The following GANC variants were observed in gnomAD, a reference collection of about 807,000 sequenced individuals.
GANC encodes the protein neutral alpha-glucosidase C.
GANC carries 117 observed loss-of-function variants against 124.2 expected under a neutral mutation model. The ratio of observed to expected loss-of-function variants is 0.94; its 90% CI spans 0.81 to 1.10. GANC has a LOEUF of 1.10. Among genes scored for constraint, GANC ranks in the 50% least tolerant of loss-of-function variants. GANC has a pLI of 0.00. For synonymous variants in GANC, 377 were observed against 376.8 expected, an observed-to-expected ratio of 1.00 and a Z score of -0.01; for missense variants, 1,140 against 1,095.0, an observed-to-expected ratio of 1.04 and a Z score of -0.58.
chr15:42,280,992 C>G lies in GANC; in HGVS notation c.201+2402C>G, dbSNP rs762770204. The G allele has an allele frequency of 1.0e-5, 7 of 702,418 alleles. No individual in the cohort carries two copies. In the East Asian group the frequency reaches 1.9e-4, roughly 19 times the overall value. The allele number at this position is 702,418 out of a possible 1,614,324, so 43.5% of individuals were successfully genotyped here. ...AGAAACCACAGTCCAGGAGGAGACA[C>G]AGGATCTCAGCACAAGACAGCACCT... is the stretch of plus-strand genomic sequence containing the variant. On this transcript the variant is annotated intron_variant, in intron 3 of 23. Transcript: ENST00000318010.
At position 42,348,192 on chromosome 15, in the gene GANC, A is replaced by C. The variant is rs373924376; in HGVS notation, c.2394A>C (p.Gly798=). ...GCTGGATGACTGAATCCTCCTATGG[A>C]CTCCGGGTTGCTCTAAGCACTAAGG... The part of the protein sequence containing the change: ...STGWMTESSY[G]LRVALSTKGS... Residue 798 remains glycine, a synonymous_variant, in exon 21 of 24, where the codon GGA becomes GGC. Transcript: ENST00000318010. The C allele has an allele frequency of 6.2e-7, 1 of 1,611,450 alleles. No homozygotes were observed. Among genetic ancestry groups the C allele is most frequent in the Non-Finnish European group, 8.5e-7 (1 of 1,178,886 alleles).
intron 19 of GANC, among the ~76,000 whole-genome samples, chr15:42,343,695 C>G (rs1446269037): frequency 6.6e-6 from 1 of 152,132 alleles, no homozygotes; most frequent in African/African-American, 2.4e-5. Flanking sequence ...CTGCTGGAGC[C>G]CAGGGCACTG....
At position 42,287,819 on chromosome 15, in the gene GANC, G is replaced by A. The variant is rs1244517825; in HGVS notation, c.329+1G>A. 6.2e-7 allele frequency: 1 copy of A among 1,608,776 alleles called. No homozygotes were observed. Among genetic ancestry groups the A allele is most frequent in the African/African-American group, 1.3e-5 (1 of 74,506 alleles). ...TCACAAGCAAGCCAAGCACTGTAAG[G>A]TAAGCCAAGGAGCGAGGTATTTTAG... is the stretch of plus-strand genomic sequence containing the variant. On this transcript the variant is annotated splice_donor_variant, in intron 4 of 23. Coordinates refer to ENST00000318010, the MANE Select transcript of GANC (RefSeq NM_198141.3). LOFTEE classifies it high-confidence loss of function.
chr15:42,348,086 G>A lies in GANC; in HGVS notation c.2305-17G>A, dbSNP rs751255914. 31 of 1,411,498 alleles carry A rather than the reference G, an allele frequency of 2.2e-5. No homozygotes were observed. Among genetic ancestry groups the A allele is most frequent in the African/African-American group, 7.2e-5 (5 of 69,610 alleles). 87.4% of individuals were successfully genotyped at this position (1,411,498 alleles called of 1,614,324 possible). ...TTATATGAATACTGCTTCCCTGAGC[G>A]TGCTGCTCTGTTACAGATTCCAGTG... On this transcript the variant is annotated splice_polypyrimidine_tract_variant and intron_variant, in intron 20 of 23. Transcript: ENST00000318010.
chr15:42,340,362 G>A (rs535943961), intron 17 of GANC, among the ~76,000 whole-genome samples: 19 of 152,224 alleles, frequency 1.2e-4, no homozygotes, highest in East Asian at 9.7e-4. Flanking sequence ...GCTCACACCT[G>A]TAATCCCAGC....
Position 42,343,157 on chromosome 15 carries a change from A to G in GANC, c.2229+3A>G. 6.2e-7 allele frequency: 1 copy of G among 1,612,894 alleles called. No individual in the cohort carries two copies. Among genetic ancestry groups the G allele is most frequent in the Non-Finnish European group, 8.5e-7 (1 of 1,178,900 alleles). Reference sequence around the variant, plus strand: ...TGTTTCTTCCAGGATCAAATGAGGTAAGAGTAATAACAGCCACATATCTGA... The same window carrying G: ...TGTTTCTTCCAGGATCAAATGAGGTGAGAGTAATAACAGCCACATATCTGA... On this transcript the variant is annotated splice_donor_region_variant and intron_variant, in intron 19 of 23. Coordinates refer to ENST00000318010, the MANE Select transcript of GANC (RefSeq NM_198141.3).
chr15:42,330,711 C>A, intron 15 of GANC, 39 bp downstream of exon 15: 1 of 1,401,846 alleles, frequency 7.1e-7, no homozygotes, highest in Non-Finnish European at 9.9e-7. Context: ...AACACATTAG[C>A]AACTTTTTTT....
chr15:42,339,378 A>G (rs2052311233), intron 16 of GANC, among the ~76,000 whole-genome samples: 1 of 150,094 alleles, frequency 6.7e-6, no homozygotes, highest in Non-Finnish European at 1.5e-5. Flanking sequence ...TCAGGCAGAC[A>G]TTTTTCAGTG....
At chr15:42,274,672 A>C (rs1459901097) in intron 1 of GANC, among the ~76,000 whole-genome samples, 162 bp downstream of exon 1, 2 of 152,304 alleles carry the variant, frequency 1.3e-5, no homozygotes, top group African/African-American at 4.8e-5. Flanking sequence ...CTCATAAAAT[A>C]CTTTCAGGAT....
chr15:42,327,329 T>G, intron 12 of GANC, 34 bp from the exon 13 acceptor site: 1 of 1,530,246 alleles, frequency 6.5e-7, no homozygotes, highest in Non-Finnish European at 9.0e-7. Context: ...GGACCACTGT[T>G]CTTGACAGGC....
intron 14 of GANC, 127 bp downstream of exon 14, chr15:42,329,576 G>A: frequency 2.1e-6 from 2 of 955,180 alleles, no homozygotes; most frequent in Non-Finnish European, 3.0e-6. Flanking sequence ...TCTGACAACT[G>A]CAATGAGTCT....
chr15:42,327,758 CTG>C (rs1248421249), intron 13 of GANC, among the ~76,000 whole-genome samples: 2 of 152,138 alleles, frequency 1.3e-5, no homozygotes, highest in African/African-American at 2.4e-5. Flanking sequence ...TGTTCCATAA[CTG>C]TTATTTAAAT....
chr15:42,310,202 G>C (rs1244397873), intron 8 of GANC, 81 bp from the exon 9 acceptor site: 3 of 1,080,496 alleles, frequency 2.8e-6, no homozygotes, highest in Non-Finnish European at 3.8e-6. Context: ...TAAGTGTTTA[G>C]AGAGAAGAGT....
rs768891535 is a variant in GANC at position 42,343,133 on chromosome 15, G to C, written c.2208G>C (p.Val736=). The change falls in exon 19 of 24, where the codon GTG becomes GTC. Residue 736 remains valine (V), a synonymous_variant. Coordinates refer to ENST00000318010, the MANE Select transcript of GANC (RefSeq NM_198141.3). ...VTEPKATTVD[V]FLPGSNEVWY... is the part of the protein sequence containing the mutation. ...AACCAAAAGCCACCACAGTTGATGT[G>C]TTTCTTCCAGGATCAAATGAGGTAA... 8.1e-6 allele frequency: 13 copies of C among 1,614,042 alleles called. No individual in the cohort carries two copies. Among genetic ancestry groups the C allele is most frequent in the Non-Finnish European group, 1.1e-5 (13 of 1,179,942 alleles).
At chr15:42,306,166 A>G (rs983818645) in intron 6 of GANC, among the ~76,000 whole-genome samples, 9 of 152,096 alleles carry the variant, frequency 5.9e-5, no homozygotes, top group Admixed American at 5.9e-4. Context: ...AGCTGGGACT[A>G]CAGGTGCCAG....
rs150055767 is a variant in GANC, at chr15:42,352,033, G to C, written c.2639G>C (p.Gly880Ala). The C allele has an allele frequency of 6.2e-7, 1 of 1,613,974 alleles. No individual in the cohort carries two copies. Among genetic ancestry groups the C allele is most frequent in the East Asian group, 2.2e-5 (1 of 44,872 alleles). Reference sequence around the variant, plus strand: ...CTTTTATTGTCTTGCTATTTAGATGGTAAAGATCAGCCTGTGGCTTTTACG... The same window carrying C: ...CTTTTATTGTCTTGCTATTTAGATGCTAAAGATCAGCCTGTGGCTTTTACG... Reference protein sequence around the residue: ...PSSVTTHSSDGKDQPVAFTYC... With the variant: ...PSSVTTHSSDAKDQPVAFTYC... The change falls in exon 24 of 24, where the codon GGT (glycine) becomes GCT (alanine). Residue 880 changes from glycine to alanine, a missense_variant. By Grantham distance (60) the Gly-to-Ala change is moderately conservative. Transcript: ENST00000318010.
In GANC at chr15:42,310,438, A is replaced by G. The variant is rs1233531597; in HGVS notation, c.878A>G (p.Glu293Gly). ...CTGAATGCCTCGGAAACACTGGTGGAGATCAATACAGAGCCTGCAGTAGAG... is the reference window on the plus strand; with the variant it reads ...CTGAATGCCTCGGAAACACTGGTGGGGATCAATACAGAGCCTGCAGTAGAG... ...FWLNASETLV[E>G]INTEPAVEYT... Residue 293 changes from glutamate to glycine, a missense_variant, in exon 9 of 24, where the codon GAG (glutamate) becomes GGG (glycine). By Grantham distance (98) the Glu-to-Gly change is moderately conservative. Coordinates refer to ENST00000318010, the MANE Select transcript of GANC (RefSeq NM_198141.3). 1.2e-6 allele frequency: 2 copies of G among 1,612,086 alleles called. No homozygotes were observed. The highest frequency in any genetic ancestry group is 8.5e-7 in the Non-Finnish European group (1 of 1,179,088).
At chr15:42,303,681 A>AAAAG (rs925683175) in intron 6 of GANC, among the ~76,000 whole-genome samples, 1 of 151,386 alleles carries the variant, frequency 6.6e-6, no homozygotes, top group Non-Finnish European at 1.5e-5. Flanking sequence ...AAAAAAAAAA[A>AAAAG]AAAAGAAAGC....
chr15:42,346,068 T>G (rs1231699320), intron 20 of GANC, among the ~76,000 whole-genome samples: 1 of 152,184 alleles, frequency 6.6e-6, no homozygotes, highest in Non-Finnish European at 1.5e-5. Flanking sequence ...CAGAGAGAGA[T>G]AAAGAGAAGG....
Sources: gnomAD v4.1 joint callset for allele counts (sites outside exome capture counted in the v4.1 genomes callset) on GRCh38, gnomAD v4.1.1 for gene constraint, MANE v1.5 for transcripts, NCBI Gene and HGNC (gene_info 2026-07-23, HGNC 2026-07-21) for gene names.